Variants in DHX32 observed in about 807,000 individuals in gnomAD.
DHX32 encodes the protein putative pre-mRNA-splicing factor ATP-dependent RNA helicase DHX32.
Under a neutral mutation model 70.0 loss-of-function variants are expected in DHX32, and 51 were observed. That is an observed-to-expected ratio of 0.73 (90% CI 0.58 to 0.92). DHX32 has a LOEUF of 0.92. DHX32 is among the 40% of genes least tolerant of loss of function. DHX32 has a pLI of 0.00. For missense variants in DHX32, 762 were observed against 891.8 expected, an observed-to-expected ratio of 0.85 and a Z score of 1.85; for synonymous variants, 310 against 315.3, an observed-to-expected ratio of 0.98 and a Z score of 0.18.
intron 6 of DHX32, among the ~76,000 whole-genome samples, chr10:125,846,923 C>T (rs923587820): frequency 6.6e-6 from 1 of 152,122 alleles, no homozygotes. Flanking sequence ...TTAACTAGTA[C>T]CCATCGCGGC....
rs553019995 is a variant in DHX32 at position 125,863,823 on chromosome 10, T to C, written c.476+3167A>G. Among the ~76,000 whole-genome samples, 58 of 152,350 alleles carry C rather than the reference T, an allele frequency of 3.8e-4. 2 individuals carry two copies. Among genetic ancestry groups the C allele is most frequent in the Admixed American group, 7.2e-4 (11 of 15,302 alleles). On this transcript the variant is annotated intron_variant, in intron 2 of 10. Transcript: ENST00000284690. ...AGCTTATTCAAAATTATGGCTAGCA[T>C]ACCTCTTCAGGAAAATCAATCTTGT...
chr10:125,886,810 G>A (rs1234692278), intron 1 of DHX32, among the ~76,000 whole-genome samples: 1 of 152,244 alleles, frequency 6.6e-6, no homozygotes, highest in African/African-American at 2.4e-5. Flanking sequence ...TTCAGACAAT[G>A]GCATGTATCA....
intron 1 of DHX32, among the ~76,000 whole-genome samples, chr10:125,895,806 C>A (rs1197718587): frequency 7.0e-6 from 1 of 143,282 alleles, no homozygotes; most frequent in African/African-American, 2.5e-5. Flanking sequence ...ACGGGGATGA[C>A]GGGGCAAAGC....
Position 125,854,208 on chromosome 10 carries a change from AG to A in DHX32, c.850-6del, listed in dbSNP as rs1944126494. 1.9e-6 allele frequency: 3 copies of A among 1,573,282 alleles called. No homozygotes were observed. The highest frequency in any genetic ancestry group is 2.1e-5 in the Admixed American group (1 of 48,472). The stretch of plus-strand genomic sequence containing the variant: ...TTCACAGACTTTCTCAATATCCTAA[AG>A]AAAAAAAAACCCATGAAAATAAAAT... On this transcript the variant is annotated splice_region_variant and splice_polypyrimidine_tract_variant and intron_variant, in intron 3 of 10. Coordinates refer to ENST00000284690, the MANE Select transcript of DHX32 (RefSeq NM_018180.3).
At chr10:125,882,876 T>C (rs1329378666), upstream of DHX32, among the ~76,000 whole-genome samples, 2 of 152,190 alleles carry the variant, frequency 1.3e-5, no homozygotes, top group Admixed American at 6.5e-5. Flanking sequence ...TAAAATTTAA[T>C]TTTATATTCT....
chr10:125,860,056 C>T, intron 2 of DHX32, 81 bp from the exon 3 acceptor site: 2 of 1,277,222 alleles, frequency 1.6e-6, no homozygotes. Flanking sequence ...AATGCCTTTC[C>T]TATATTCATT....
Position 125,880,689 on chromosome 10 carries a change from A to T in DHX32, c.136T>A (p.Leu46Met). The change falls in exon 1 of 11, where the codon TTG becomes ATG. Residue 46 changes from leucine (L) to methionine (M), a missense_variant. Leu to Met is a conservative substitution (Grantham distance 15). Around this residue, in one of 3 missense-constraint regions of DHX32, gnomAD observed 394 missense variants for 473.1 expected, o/e 0.83. Transcript: ENST00000284690. The part of the protein sequence containing the change: ...EDLELNPFDG[L>M]PYSSRYYKLL... ...TTATAATAACGTGATGAATATGGCAATCCATCAAAGGGGTTAAGTTCCAAA... is the reference window on the plus strand; with the variant it reads ...TTATAATAACGTGATGAATATGGCATTCCATCAAAGGGGTTAAGTTCCAAA... 2 of 1,614,168 alleles carry T rather than the reference A, an allele frequency of 1.2e-6. No individual in the cohort carries two copies. The highest frequency in any genetic ancestry group is 1.7e-6 in the Non-Finnish European group (2 of 1,180,016).
upstream of DHX32, among the ~76,000 whole-genome samples, chr10:125,884,452 T>C (rs1195561725): frequency 6.6e-6 from 1 of 152,240 alleles, no homozygotes; most frequent in Non-Finnish European, 1.5e-5. Flanking sequence ...TCTGAAAGAT[T>C]GACATTTGCT....
intron 1 of DHX32, among the ~76,000 whole-genome samples, chr10:125,878,503 G>T (rs1429852484): frequency 6.6e-6 from 1 of 152,154 alleles, no homozygotes; most frequent in Non-Finnish European, 1.5e-5. Context: ...CTTTCTTTGA[G>T]ATCTACTCTA....
intron 1 of DHX32, among the ~76,000 whole-genome samples, chr10:125,895,942 C>T (rs1466961292): frequency 1.3e-4 from 20 of 149,340 alleles, no homozygotes; most frequent in African/African-American, 4.6e-4. Flanking sequence ...GAGGGACCGC[C>T]CCAGGCCCGG....
chr10:125,890,469 T>G (rs1273488131), intron 1 of DHX32: 35 of 152,350 alleles, frequency 2.3e-4, no homozygotes, highest in South Asian at 4.1e-4. Context: ...AAATCCTTAT[T>G]TCTAGACTTG....
chr10:125,876,484 A>G (rs576822511), intron 1 of DHX32, among the ~76,000 whole-genome samples: 2 of 152,352 alleles, frequency 1.3e-5, no homozygotes, highest in African/African-American at 4.8e-5. Flanking sequence ...TTTTCAATAA[A>G]GAACCAGGCA....
intron 1 of DHX32, among the ~76,000 whole-genome samples, chr10:125,878,085 G>C (rs940820806): frequency 6.6e-6 from 1 of 152,078 alleles, no homozygotes; most frequent in Non-Finnish European, 1.5e-5. Context: ...AAAACTTGAA[G>C]TCCAAATACA....
chr10:125,877,343 T>A (rs1436631232), intron 1 of DHX32, among the ~76,000 whole-genome samples: 1 of 147,278 alleles, frequency 6.8e-6, no homozygotes, highest in African/African-American at 2.4e-5. Flanking sequence ...GTAAATCAGA[T>A]AAAAAACATC....
At chr10:125,878,772 A>C (rs1472180551) in intron 1 of DHX32, among the ~76,000 whole-genome samples, 1 of 150,884 alleles carries the variant, frequency 6.6e-6, no homozygotes, top group Admixed American at 6.6e-5. Flanking sequence ...GCAGTGACAC[A>C]ATCTCAGCTC....
At chr10:125,836,911 C>T in intron 10 of DHX32, 56 bp from the exon 11 acceptor site, 1 of 1,510,738 alleles carries the variant, frequency 6.6e-7, no homozygotes, top group East Asian at 2.3e-5. Context: ...GTGAGAGACA[C>T]CAAACATTAT....
rs1005754612 is a variant in DHX32, at chr10:125,880,789, G to A, written c.36C>T (p.Ser12=). ...EEEGLECPNS[S]SEKRYFPESL... ...ATTCAGGAAAATAGCGTTTTTCAGA[G>A]GAAGAGTTTGGACACTCCAGCCCTT... Residue 12 remains serine, a synonymous_variant, in exon 1 of 11, where the codon TCC becomes TCT. Coordinates refer to ENST00000284690, the MANE Select transcript of DHX32 (RefSeq NM_018180.3). 1 of 1,614,134 alleles carries A rather than the reference G, an allele frequency of 6.2e-7. No homozygotes were observed. Among genetic ancestry groups the A allele is most frequent in the Non-Finnish European group, 8.5e-7 (1 of 1,180,012 alleles).
intron 6 of DHX32, among the ~76,000 whole-genome samples, chr10:125,850,393 T>C (rs1436570133): frequency 6.6e-6 from 1 of 150,752 alleles, no homozygotes; most frequent in Non-Finnish European, 1.5e-5. Context: ...GTTTTGCTCT[T>C]GTTGCCCAGG....
intron 2 of DHX32, among the ~76,000 whole-genome samples, chr10:125,863,529 G>A (rs1213546752): frequency 6.6e-6 from 1 of 151,158 alleles, no homozygotes; most frequent in African/African-American, 2.4e-5. Context: ...CTCACTGCAA[G>A]CTCTGCCTCC....
Sources: allele counts gnomAD v4.1 joint callset (sites outside exome capture counted in the v4.1 genomes callset), GRCh38; gene constraint gnomAD v4.1.1; regional missense constraint gnomAD v4.1.1; transcripts MANE v1.5; gene names NCBI Gene and HGNC (gene_info 2026-07-23, HGNC 2026-07-21).